Variants in PKD1L1 observed in about 807,000 individuals in gnomAD.
PKD1L1 encodes the protein polycystin-1-like protein 1.
Under a neutral mutation model 323.4 loss-of-function variants are expected in PKD1L1, and 236 were observed. The ratio of observed to expected loss-of-function variants is 0.73; its 90% CI spans 0.66 to 0.81. The LOEUF is 0.81. PKD1L1 is among the 40% of genes least tolerant of loss of function. The probability of loss-of-function intolerance (pLI) is 0.00; values close to 1 mark genes in which losing one functional copy is unlikely to be tolerated. For synonymous variants in PKD1L1, 1,344 were observed against 1,335.0 expected (o/e 1.01, Z -0.15); for missense variants, 3,320 against 3,508.0 (o/e 0.95, Z 1.35).
intron 46 of PKD1L1, among the ~76,000 whole-genome samples, chr7:47,820,783 A>G (rs574092554): frequency 2.8e-3 from 420 of 152,036 alleles, no homozygotes; most frequent in Non-Finnish European, 4.4e-3. Context: ...AACTGCAACC[A>G]TAGGCTTTGA....
intron 26 of PKD1L1, among the ~76,000 whole-genome samples, chr7:47,864,947 C>A (rs937084677): frequency 1.3e-5 from 2 of 151,940 alleles, no homozygotes; most frequent in African/African-American, 4.8e-5. Context: ...AGGCTGGTCT[C>A]GAACTCCTGA....
chr7:47,796,214 A>C, intron 54 of PKD1L1, 64 bp from the exon 55 acceptor site: 2 of 1,345,474 alleles, frequency 1.5e-6, no homozygotes, highest in Non-Finnish European at 2.0e-6. Context: ...AGCTTTGTTA[A>C]CGTGATAAAC....
rs1335711769 is a variant in PKD1L1, at chr7:47,796,135, T to G, written c.8209A>C (p.Met2737Leu). 1 of 1,597,736 alleles carries G rather than the reference T, an allele frequency of 6.3e-7. No homozygotes were observed. Among genetic ancestry groups the G allele is most frequent in the South Asian group, 1.1e-5 (1 of 87,588 alleles). Residue 2737 changes from methionine (M) to leucine (L), a missense_variant, in exon 55 of 57, where the codon ATG becomes CTG. Physicochemically the swap from Met to Leu is conservative, Grantham distance 15 (BLOSUM62 2). Coordinates refer to ENST00000289672, the MANE Select transcript of PKD1L1 (RefSeq NM_138295.5). ...GATTTTCTTTTTTGGGGTAAAGTCA[T>G]GAGAAAACCTCTCAGCTAGGAAAAA... ...LCFGMLRGFL[M>L]TLPQKRKSFQ... is the part of the protein sequence containing the mutation.
intron 56 of PKD1L1, among the ~76,000 whole-genome samples, chr7:47,791,556 C>T (rs762031540): frequency 6.6e-6 from 1 of 151,062 alleles, no homozygotes; most frequent in East Asian, 1.9e-4. Flanking sequence ...AAAGTTATAC[C>T]CTTCATCTTC....
At position 47,831,247 on chromosome 7, in the gene PKD1L1, C is replaced by T; in HGVS notation, c.6443G>A (p.Cys2148Tyr). 1.2e-6 allele frequency: 2 copies of T among 1,614,076 alleles called. No homozygotes were observed. Among genetic ancestry groups the T allele is most frequent in the Non-Finnish European group, 1.7e-6 (2 of 1,179,978 alleles). The change falls in exon 42 of 57, where the codon TGC (cysteine) becomes TAC (tyrosine). Residue 2148 changes from cysteine to tyrosine, a missense_variant. Transcript: ENST00000289672. Reference sequence around the variant, plus strand: ...GGCTAGAAATCCTGTCCCCAAACTGCAGGCCAAAGAAGCGGTCCCACAAAT... The same window carrying T: ...GGCTAGAAATCCTGTCCCCAAACTGTAGGCCAAAGAAGCGGTCCCACAAAT... ...WAICGTASLA[C>Y]SLGTGFLAYR...
upstream of PKD1L1, among the ~76,000 whole-genome samples, chr7:47,950,569 G>C (rs1788189654): frequency 6.6e-6 from 1 of 152,150 alleles, no homozygotes; most frequent in Non-Finnish European, 1.5e-5. Flanking sequence ...AATTAGCCAG[G>C]TGTGGTGATG....
intron 25 of PKD1L1, 143 bp from the exon 26 acceptor site, chr7:47,865,415 CCTT>C: frequency 3.0e-6 from 2 of 675,008 alleles, no homozygotes; most frequent in Non-Finnish European, 5.1e-6. Context: ...GGAGGCCAGA[CCTT>C]CTGTACAGAG....
At chr7:47,829,404 T>G (rs371342640) in intron 44 of PKD1L1, 21 bp downstream of exon 44, 20 of 1,576,462 alleles carry the variant, frequency 1.3e-5, no homozygotes, top group Non-Finnish European at 1.7e-5. Context: ...CAATTTGCAC[T>G]GCATAGGTAA....
At chr7:47,870,228 G>A (rs1786252785) in intron 24 of PKD1L1, among the ~76,000 whole-genome samples, 1 of 151,440 alleles carries the variant, frequency 6.6e-6, no homozygotes, top group Admixed American at 6.6e-5. Context: ...ACAAGGCGGG[G>A]AAAAAAAGAA....
rs756750980 is a variant in PKD1L1 at position 47,857,850 on chromosome 7, G to C, written c.4363-18C>G. 1.2e-6 allele frequency: 2 copies of C among 1,607,620 alleles called. No individual in the cohort carries two copies. The highest frequency in any genetic ancestry group is 1.7e-6 in the Non-Finnish European group (2 of 1,174,562). ...AGACAACCCTGAAACATAGAGCATA[G>C]GGAGTGGGATGTTTATAACACAAAT... On this transcript the variant is annotated intron_variant, in intron 27 of 56. Coordinates refer to ENST00000289672, the MANE Select transcript of PKD1L1 (RefSeq NM_138295.5).
rs1355655550 is a variant in PKD1L1, at chr7:47,931,329, G to T, written c.520-8C>A. The T allele has an allele frequency of 1.2e-6, 2 of 1,613,892 alleles. No homozygotes were observed. Among genetic ancestry groups the T allele is most frequent in the East Asian group, 4.5e-5 (2 of 44,894 alleles). ...AGAAGTGGTGCCCTGGAGCTTAAAA[G>T]TTTAAGAACAGTTCAGGGTTTATTG... is the stretch of plus-strand genomic sequence containing the variant. On this transcript the variant is annotated splice_polypyrimidine_tract_variant and splice_region_variant and intron_variant, in intron 5 of 56. Coordinates refer to ENST00000289672, the MANE Select transcript of PKD1L1 (RefSeq NM_138295.5).
At chr7:47,867,646 T>C (rs1262424349) in intron 24 of PKD1L1, among the ~76,000 whole-genome samples, 1 of 152,156 alleles carries the variant, frequency 6.6e-6, no homozygotes, top group Non-Finnish European at 1.5e-5. Context: ...AGCAAGGACT[T>C]TGAAACAGCT....
Position 47,894,062 on chromosome 7 carries a change from G to A in PKD1L1, c.2272-3C>T. The A allele has an allele frequency of 6.5e-7, 1 of 1,547,836 alleles. No individual in the cohort carries two copies. The highest frequency in any genetic ancestry group is 8.7e-7 in the Non-Finnish European group (1 of 1,145,704). On this transcript the variant is annotated splice_polypyrimidine_tract_variant and splice_region_variant and intron_variant, in intron 14 of 56. Coordinates refer to ENST00000289672, the MANE Select transcript of PKD1L1 (RefSeq NM_138295.5). ...ACCACACTGCCTTCAATCTGAACCT[G>A]CAGGGGCAAGGAAGGACAGGGGATG...
At chr7:47,846,767 T>A (rs1454915316) in intron 32 of PKD1L1, 112 bp downstream of exon 32, 4 of 976,046 alleles carry the variant, frequency 4.1e-6, no homozygotes, top group Non-Finnish European at 6.0e-6. Flanking sequence ...CCAAGAGAGC[T>A]CCAGCTTCTT....
chr7:47,889,376 T>C (rs999795100), intron 16 of PKD1L1, among the ~76,000 whole-genome samples: 1 of 152,206 alleles, frequency 6.6e-6, no homozygotes, highest in South Asian at 2.1e-4. Flanking sequence ...ATTTAATGAT[T>C]AATGATTTAA....
At chr7:47,782,287 A>C (rs1232331537) in intron 56 of PKD1L1, among the ~76,000 whole-genome samples, 2 of 152,100 alleles carry the variant, frequency 1.3e-5, no homozygotes, top group Non-Finnish European at 1.5e-5. Flanking sequence ...TAATAATTAC[A>C]TTTCCTTACT....
chr7:47,928,723 G>A (rs1204090311), intron 7 of PKD1L1, among the ~76,000 whole-genome samples: 1 of 152,110 alleles, frequency 6.6e-6, no homozygotes, highest in East Asian at 1.9e-4. Flanking sequence ...GTCCAACGCT[G>A]GAATGTAAAG....
chr7:47,877,596 A>G lies in PKD1L1; in HGVS notation c.3556T>C (p.Tyr1186His), dbSNP rs769112702. ...KHGLLGKAQL[Y>H]LTVNPAPRDM... is the part of the protein sequence containing the mutation. ...CGAGGAGCCGGGTTGACTGTCAAGTACAGCTGAGCTTTACCCAGTAAGCCA... is the reference window on the plus strand; with the variant it reads ...CGAGGAGCCGGGTTGACTGTCAAGTGCAGCTGAGCTTTACCCAGTAAGCCA... Residue 1186 changes from tyrosine (Y) to histidine (H), a missense_variant, in exon 22 of 57, where the codon TAC (tyrosine) becomes CAC (histidine). Coordinates refer to ENST00000289672, the MANE Select transcript of PKD1L1 (RefSeq NM_138295.5). 6.2e-7 allele frequency: 1 copy of G among 1,614,214 alleles called. No homozygotes were observed. Among genetic ancestry groups the G allele is most frequent in the Non-Finnish European group, 8.5e-7 (1 of 1,180,028 alleles).
intron 21 of PKD1L1, among the ~76,000 whole-genome samples, chr7:47,879,526 G>A (rs914835004): frequency 4.7e-5 from 7 of 150,528 alleles, no homozygotes; most frequent in Admixed American, 6.6e-5. Flanking sequence ...CCAGTTACTC[G>A]GGAGGCTGAG....
Sources: allele counts gnomAD v4.1 joint callset (sites outside exome capture counted in the v4.1 genomes callset), GRCh38; gene constraint gnomAD v4.1.1; transcripts MANE v1.5; gene names NCBI Gene and HGNC (gene_info 2026-07-23, HGNC 2026-07-21).